Variants in LARP4B observed in about 807,000 individuals in gnomAD.
LARP4B encodes la-related protein 4B.
In LARP4B, 12 loss-of-function variants were observed where a neutral mutation model predicts 89.8. That is an observed-to-expected ratio of 0.13 (90% CI 0.09 to 0.22). LARP4B has a LOEUF of 0.22. LARP4B is among the 10% of genes least tolerant of loss of function. The pLI is 1.00. For synonymous variants in LARP4B, 367 were observed against 363.3 expected (o/e 1.01, Z -0.12); for missense variants, 757 against 947.7 (o/e 0.80, Z 2.64).
At chr10:948,935 A>C in the LARP4B span, among the ~76,000 whole-genome samples, 1 of 152,224 alleles carries the variant, frequency 6.6e-6, no homozygotes, top group Non-Finnish European at 1.5e-5. Context: ...GTTTTTGACC[A>C]TGATGAATAA....
At chr10:922,258 C>T (rs1264095357) in intron 1 of LARP4B, among the ~76,000 whole-genome samples, 2 of 152,230 alleles carry the variant, frequency 1.3e-5, no homozygotes, top group African/African-American at 2.4e-5. Flanking sequence ...GGAGGTGGAG[C>T]TCAGGCAGTA....
chr10:979,656 T>C, the LARP4B span, among the ~76,000 whole-genome samples: 1 of 152,230 alleles, frequency 6.6e-6, no homozygotes, highest in South Asian at 2.1e-4. Context: ...TTGGTTCTTT[T>C]AACCCAGCTA....
chr10:851,972 G>A (rs1048115802), intron 5 of LARP4B, among the ~76,000 whole-genome samples: 3 of 152,086 alleles, frequency 2.0e-5, no homozygotes, highest in Non-Finnish European at 2.9e-5. Context: ...AGGCTAAGGC[G>A]GGAGAATCGC....
intron 14 of LARP4B, 91 bp downstream of exon 14, chr10:820,709 G>T: frequency 2.6e-6 from 3 of 1,146,916 alleles, no homozygotes; most frequent in Non-Finnish European, 3.8e-6. Context: ...TCATTCTTGT[G>T]CCTTAACCTT....
At chr10:894,900 A>G (rs1836140645) in intron 1 of LARP4B, among the ~76,000 whole-genome samples, 2 of 152,170 alleles carry the variant, frequency 1.3e-5, no homozygotes, top group Non-Finnish European at 2.9e-5. Flanking sequence ...ACTGTCCACA[A>G]TAAGCCAGGC....
Position 825,278 on chromosome 10 carries a change from C to A in LARP4B, c.1271G>T (p.Ser424Ile). The A allele has an allele frequency of 1.2e-6, 2 of 1,614,188 alleles. No homozygotes were observed. Among genetic ancestry groups the A allele is most frequent in the East Asian group, 2.2e-5 (1 of 44,882 alleles). Reference protein sequence around the residue: ...SKSHLRHAIPSAERGPGLLES... With the variant: ...SKSHLRHAIPIAERGPGLLES... The stretch of plus-strand genomic sequence containing the variant: ...TAATAACCCAGGTCCCCTCTCTGCA[C>A]TAGGAATCGCATGCCGCAGATGAGA... The change falls in exon 13 of 18, where the codon AGT (serine) becomes ATT (isoleucine). Residue 424 changes from serine to isoleucine, a missense_variant. Physicochemically the swap from Ser to Ile is moderately radical, Grantham distance 142. Around this residue, in one of 5 missense-constraint regions of LARP4B, gnomAD observed 387 missense variants for 423.6 expected, o/e 0.91. Transcript: ENST00000316157.
chr10:968,188 A>G, the LARP4B span, among the ~76,000 whole-genome samples: 3 of 152,184 alleles, frequency 2.0e-5, no homozygotes, highest in South Asian at 4.1e-4. Flanking sequence ...CCTCATTAAC[A>G]TGAAACCTGG....
intron 1 of LARP4B, among the ~76,000 whole-genome samples, chr10:915,621 G>A (rs1165543674): frequency 6.6e-6 from 1 of 152,160 alleles, no homozygotes; most frequent in Non-Finnish European, 1.5e-5. Flanking sequence ...TGGCTAACAC[G>A]GTGAAACCCC....
chr10:968,649 G>T, the LARP4B span, among the ~76,000 whole-genome samples: 1 of 152,318 alleles, frequency 6.6e-6, no homozygotes, highest in African/African-American at 2.4e-5. Flanking sequence ...ACAATTTCAC[G>T]TGCTTTGTTG....
chr10:972,778 A>G, the LARP4B span: 4 of 456,696 alleles, frequency 8.8e-6, no homozygotes, highest in African/African-American at 8.0e-5. Flanking sequence ...GAAAATAAAG[A>G]AGATGCAGCC....
rs972136087 is a variant in LARP4B at position 832,199 on chromosome 10, G to A, written c.751-1222C>T. On this transcript the variant is annotated intron_variant, in intron 8 of 17. Transcript: ENST00000316157. ...GCTGGGACTACAGGCACCCGCCACCGCGCCCGGCTAATTTTTTGTATTTTT... is the reference window on the plus strand; with the variant it reads ...GCTGGGACTACAGGCACCCGCCACCACGCCCGGCTAATTTTTTGTATTTTT... 9.9e-5 allele frequency among the ~76,000 whole-genome samples: 15 copies of A among 152,044 alleles called. No homozygotes were observed. The South Asian group carries it at 1.2e-3, about 13-fold the overall frequency.
At chr10:844,349 C>T (rs1476638416) in intron 6 of LARP4B, among the ~76,000 whole-genome samples, 4 of 152,206 alleles carry the variant, frequency 2.6e-5, no homozygotes, top group Non-Finnish European at 4.4e-5. Context: ...GCCAGCAGAG[C>T]CCCTCACACC....
At chr10:960,242 G>T in the LARP4B span, among the ~76,000 whole-genome samples, 1 of 152,102 alleles carries the variant, frequency 6.6e-6, no homozygotes, top group Non-Finnish European at 1.5e-5. Flanking sequence ...GACAGAGGGG[G>T]AGGGATGAGA....
rs1336603648 is a variant in LARP4B, at chr10:812,664, A to C, written c.*262T>G. 3.0e-6 allele frequency: 1 copy of C among 335,288 alleles called. No homozygotes were observed. The highest frequency in any genetic ancestry group is 2.1e-5 in the African/African-American group (1 of 47,372). 20.8% of individuals were successfully genotyped at this position (335,288 alleles called of 1,614,324 possible). On this transcript the variant is annotated 3_prime_UTR_variant, in exon 18 of 18. Transcript: ENST00000316157. ...ATTTGTTAGGATAAATGCTTTTTCT[A>C]TCTTGGAAAAAAAAATCAGACTTAT...
chr10:820,644 G>A (rs1297494784), intron 14 of LARP4B, 156 bp downstream of exon 14: 12 of 680,316 alleles, frequency 1.8e-5, no homozygotes, highest in East Asian at 2.7e-5. Flanking sequence ...TCCTAGGCCA[G>A]CCAGGGTGTC....
chr10:913,316 ACTTTT>A (rs1836726198), intron 1 of LARP4B, among the ~76,000 whole-genome samples: 1 of 152,232 alleles, frequency 6.6e-6, no homozygotes, highest in Non-Finnish European at 1.5e-5. Context: ...GCATGTCTTT[ACTTTT>A]ATGTATCATA....
intron 1 of LARP4B, among the ~76,000 whole-genome samples, chr10:920,548 C>T (rs1337287570): frequency 1.3e-5 from 2 of 152,130 alleles, no homozygotes; most frequent in Non-Finnish European, 1.5e-5. Flanking sequence ...CCAAGGCAGG[C>T]AGATCACTTG....
intron 5 of LARP4B, among the ~76,000 whole-genome samples, chr10:854,252 G>A (rs147880971): frequency 2.6e-5 from 4 of 152,122 alleles, no homozygotes; most frequent in East Asian, 1.9e-4. Flanking sequence ...AATGTCCTCC[G>A]TGAGGGCTGG....
intron 9 of LARP4B, among the ~76,000 whole-genome samples, chr10:830,214 G>C (rs1340326900): frequency 6.6e-6 from 1 of 152,150 alleles, no homozygotes; most frequent in Non-Finnish European, 1.5e-5. Context: ...TGAAGGCCCT[G>C]CACCTGATTC....
Sources: allele counts gnomAD v4.1 joint callset (sites outside exome capture counted in the v4.1 genomes callset), GRCh38; gene constraint gnomAD v4.1.1; regional missense constraint gnomAD v4.1.1; transcripts MANE v1.5; gene names NCBI Gene and HGNC (gene_info 2026-07-23, HGNC 2026-07-21).